Variants in DPY30 observed in about 807,000 individuals in gnomAD.
The protein encoded by DPY30 is protein dpy-30 homolog.
Under a neutral mutation model 16.2 loss-of-function variants are expected in DPY30, and 6 were observed. The ratio of observed to expected loss-of-function variants is 0.37; its 90% CI spans 0.20 to 0.73. DPY30 has a LOEUF of 0.73. Ranked by LOEUF, DPY30 falls within the 30% of genes least tolerant of loss-of-function variation. The pLI, the probability that DPY30 is intolerant of heterozygous loss-of-function variation, is 0.51. For synonymous variants in DPY30, 39 were observed against 38.8 expected (o/e 1.00, Z -0.02); for missense variants, 73 against 113.1 (o/e 0.65, Z 1.61).
At chr2:32,022,795 C>T (rs1675214514), downstream of DPY30, among the ~76,000 whole-genome samples, 1 of 151,806 alleles carries the variant, frequency 6.6e-6, no homozygotes, top group Non-Finnish European at 1.5e-5. Context: ...GGATTACAGG[C>T]GTGAGCCACC....
At chr2:32,039,162 T>G in intron 3 of DPY30, 117 bp downstream of exon 3, 1 of 1,203,196 alleles carries the variant, frequency 8.3e-7, no homozygotes, top group Non-Finnish European at 1.2e-6. Flanking sequence ...TTGATACTAT[T>G]CAGTTCACGA....
chr2:32,024,870 A>G (rs1262222200), intron 4 of DPY30, among the ~76,000 whole-genome samples: 1 of 152,200 alleles, frequency 6.6e-6, no homozygotes, highest in Non-Finnish European at 1.5e-5. Flanking sequence ...ATTCTATTTA[A>G]TACAACTACA....
At chr2:32,036,794 A>G (rs543361748) in intron 3 of DPY30, among the ~76,000 whole-genome samples, 2 of 150,506 alleles carry the variant, frequency 1.3e-5, no homozygotes, top group South Asian at 2.2e-4. Context: ...GTGTGAACCC[A>G]GGAGGCAGAG....
At chr2:32,019,838 AT>A (rs1675139670), downstream of DPY30, among the ~76,000 whole-genome samples, 6 of 130,196 alleles carry the variant, frequency 4.6e-5, no homozygotes, top group Non-Finnish European at 6.5e-5. Context: ...AAAAAAAAAT[AT>A]ATATATATAT....
chr2:32,038,952 G>A (rs114666031), intron 3 of DPY30, among the ~76,000 whole-genome samples: 90 of 152,182 alleles, frequency 5.9e-4, no homozygotes, highest in African/African-American at 2.1e-3. Flanking sequence ...CCGGCGAAGG[G>A]TTTCTTAATT....
At chr2:32,018,465 C>T (rs1462567089) in intron 5 of DPY30, among the ~76,000 whole-genome samples, 6 of 152,144 alleles carry the variant, frequency 3.9e-5, no homozygotes, top group Non-Finnish European at 5.9e-5. Context: ...CAGTGGCTCA[C>T]GCCTGTAATC....
intron 4 of DPY30, among the ~76,000 whole-genome samples, chr2:32,026,376 C>T (rs1316366402): frequency 1.3e-5 from 2 of 152,188 alleles, no homozygotes. Context: ...TGCCACTGCA[C>T]TCCAGCCTGG....
downstream of DPY30, chr2:32,023,860 CAT>C (rs1437901592): frequency 1.3e-5 from 17 of 1,316,808 alleles, no homozygotes; most frequent in East Asian, 5.3e-4. Flanking sequence ...ACAATTCAAT[CAT>C]GTAAAATATT....
downstream of DPY30, among the ~76,000 whole-genome samples, chr2:32,021,399 C>A (rs1205718126): frequency 6.6e-6 from 1 of 152,104 alleles, no homozygotes; most frequent in African/African-American, 2.4e-5. Flanking sequence ...TTTGTCAGGC[C>A]GGACACGGTG....
chr2:32,034,424 G>C lies in DPY30; in HGVS notation c.85-4688C>G, dbSNP rs140664106. ...ACATAACAAGAGAGGGAGCAAGAGA[G>C]AAAGGAGTAGGTGCCAGACTCTTTT... is the stretch of plus-strand genomic sequence containing the variant. On this transcript the variant is annotated intron_variant, in intron 3 of 4. Transcript: ENST00000342166. Among the ~76,000 whole-genome samples, 107 of 152,270 alleles carry C rather than the reference G, an allele frequency of 7.0e-4. 1 individual carries two copies. In the Middle Eastern group the frequency reaches 0.01, roughly 15 times the overall value.
intron 3 of DPY30, among the ~76,000 whole-genome samples, chr2:32,037,947 GTTAATA>G (rs1049919217): frequency 1.3e-4 from 20 of 151,972 alleles, no homozygotes; most frequent in African/African-American, 2.2e-4. Flanking sequence ...AGTAATAGCT[GTTAATA>G]TTAATATTAA....
chr2:32,038,647 CTTTTTTTTTT>C (rs10679637), intron 3 of DPY30, among the ~76,000 whole-genome samples: 1,411 of 111,214 alleles, frequency 0.013, 30 homozygotes, highest in South Asian at 0.061. Flanking sequence ...TTATTTTTTA[CTTTTTTTTTT>C]TTTTTTTTTT....
intron 4 of DPY30, among the ~76,000 whole-genome samples, 192 bp downstream of exon 4, chr2:32,029,402 G>A (rs1263379733): frequency 6.6e-6 from 1 of 152,100 alleles, no homozygotes; most frequent in Non-Finnish European, 1.5e-5. Flanking sequence ...TTACAAATAT[G>A]CATATGATCT....
intron 5 of DPY30, among the ~76,000 whole-genome samples, chr2:32,015,848 C>T (rs1031897443): frequency 3.8e-5 from 5 of 133,216 alleles, no homozygotes; most frequent in Admixed American, 1.5e-4. Flanking sequence ...AAGACCCTGT[C>T]TAAAAAAAAA....
At chr2:32,023,250 T>C (rs1441966259), downstream of DPY30, among the ~76,000 whole-genome samples, 1 of 152,194 alleles carries the variant, frequency 6.6e-6, no homozygotes, top group East Asian at 1.9e-4. Flanking sequence ...TTTTCCTGGC[T>C]CTCTTAAGGC....
intron 3 of DPY30, among the ~76,000 whole-genome samples, chr2:32,035,859 G>A (rs949782155): frequency 1.3e-5 from 2 of 150,648 alleles, no homozygotes; most frequent in African/African-American, 2.4e-5. Flanking sequence ...ACTTCAACCC[G>A]GGAGGCAGAG....
chr2:32,026,904 T>C (rs1356064876), intron 4 of DPY30, among the ~76,000 whole-genome samples: 1 of 150,862 alleles, frequency 6.6e-6, no homozygotes, highest in East Asian at 1.9e-4. Context: ...AAGATATCCA[T>C]ATTTTTTTCC....
intron 5 of DPY30, among the ~76,000 whole-genome samples, chr2:32,015,561 T>A (rs549040956): frequency 6.6e-6 from 1 of 151,990 alleles, no homozygotes; most frequent in African/African-American, 2.4e-5. Flanking sequence ...TCAAAAGATA[T>A]AAGGAGCCAG....
chr2:32,023,688 G>A, downstream of DPY30: 1 of 1,273,448 alleles, frequency 7.9e-7, no homozygotes, highest in Non-Finnish European at 1.0e-6. Flanking sequence ...TGTGATACTT[G>A]TTAAGCCATT....
Sources: gnomAD v4.1 joint callset for allele counts (sites outside exome capture counted in the v4.1 genomes callset) on GRCh38, gnomAD v4.1.1 for gene constraint, MANE v1.5 for transcripts, NCBI Gene and HGNC (gene_info 2026-07-23, HGNC 2026-07-21) for gene names.